The following PBLD variants were observed in gnomAD, a reference collection of about 807,000 sequenced individuals.
The protein encoded by PBLD is phenazine biosynthesis-like domain-containing protein.
A neutral mutation model predicts 31.3 loss-of-function variants in PBLD; 26 were observed. The ratio of observed to expected loss-of-function variants is 0.83; its 90% CI spans 0.61 to 1.15. The LOEUF (loss-of-function observed/expected upper bound fraction) is 1.15. Ranked by LOEUF, PBLD falls within the 50% of genes most tolerant of loss-of-function variation. The probability of loss-of-function intolerance (pLI) is 0.00; values close to 1 mark genes in which losing one functional copy is unlikely to be tolerated. For missense variants in PBLD, 307 were observed against 351.7 expected (o/e 0.87, Z 1.02); for synonymous variants, 114 against 129.0 (o/e 0.88, Z 0.79).
At chr10:68,284,342 CA>C in intron 9 of PBLD, 53 bp from the exon 10 acceptor site, 1 of 1,439,972 alleles carries the variant, frequency 6.9e-7, no homozygotes, top group Non-Finnish European at 9.7e-7. Context: ...TTTAAATTAA[CA>C]AAGCATAGTG....
intron 4 of PBLD, among the ~76,000 whole-genome samples, chr10:68,293,044 A>G (rs552616296): frequency 1.3e-5 from 2 of 152,100 alleles, no homozygotes; most frequent in Non-Finnish European, 2.9e-5. Context: ...AATATTTTGT[A>G]AAGACAGGGT....
chr10:68,317,615 GT>G (rs2044752492), intron 1 of PBLD, among the ~76,000 whole-genome samples: 1 of 151,904 alleles, frequency 6.6e-6, no homozygotes, highest in Non-Finnish European at 1.5e-5. Context: ...GGGCAACATG[GT>G]GAAACCCTGT....
At chr10:68,318,409 T>C (rs1395977282) in intron 1 of PBLD, among the ~76,000 whole-genome samples, 1 of 118,464 alleles carries the variant, frequency 8.4e-6, no homozygotes, top group Non-Finnish European at 1.7e-5. Flanking sequence ...AAGCCAGGGA[T>C]GGTGGCATGA....
intron 1 of PBLD, among the ~76,000 whole-genome samples, chr10:68,321,343 C>T (rs1465382933): frequency 6.6e-6 from 1 of 152,094 alleles, no homozygotes. Context: ...ACTTGAGTAA[C>T]ACTATAAACC....
intron 2 of PBLD, among the ~76,000 whole-genome samples, chr10:68,301,430 A>G (rs1303073537): frequency 6.6e-6 from 1 of 152,186 alleles, no homozygotes; most frequent in Non-Finnish European, 1.5e-5. Context: ...GGCCTGTTGA[A>G]TGTTTTCTGT....
At position 68,292,051 on chromosome 10, in the gene PBLD, G is replaced by GC. The variant is rs1554857189; in HGVS notation, c.394-13_394-12insG. 1.9e-6 allele frequency: 3 copies of GC among 1,591,482 alleles called. No individual in the cohort carries two copies. Among genetic ancestry groups the GC allele is most frequent in the Non-Finnish European group, 2.6e-6 (3 of 1,161,924 alleles). On this transcript the variant is annotated splice_polypyrimidine_tract_variant and intron_variant, in intron 5 of 9. Transcript: ENST00000358769. ...ACTTCATGGAAGTCCTAGATGGGGG[G>GC]AAAAAAAACAAAATTATTATAAAAC...
chr10:68,297,142 G>T, intron 2 of PBLD, 157 bp from the exon 3 acceptor site: 1 of 640,564 alleles, frequency 1.6e-6, no homozygotes, highest in Non-Finnish European at 2.7e-6. Context: ...CTTTTATAAA[G>T]ATTGGTTCTC....
Position 68,292,163 on chromosome 10 carries a change from A to T in PBLD, c.359T>A (p.Val120Asp). 1 of 1,614,044 alleles carries T rather than the reference A, an allele frequency of 6.2e-7. No homozygotes were observed. Among genetic ancestry groups the T allele is most frequent in the Non-Finnish European group, 8.5e-7 (1 of 1,180,030 alleles). ...GGCTGGATAAAGAGGCAAGTCCAGG[A>T]CGATGCCATCCTCTGCTCGTCTGGC... ...LRARRAEDGIVLDLPLYPAHP... is the reference protein window; with the variant it reads ...LRARRAEDGIDLDLPLYPAHP... The change falls in exon 5 of 10, where the codon GTC becomes GAC. Residue 120 changes from valine (V) to aspartate (D), a missense_variant. Val to Asp is a radical substitution (Grantham distance 152, BLOSUM62 -3). Transcript: ENST00000358769.
chr10:68,316,936 C>T (rs544069096), intron 1 of PBLD, among the ~76,000 whole-genome samples: 2 of 152,264 alleles, frequency 1.3e-5, no homozygotes, highest in East Asian at 3.9e-4. Context: ...TCGCTTGAGA[C>T]CCGGAGATGG....
intron 2 of PBLD, among the ~76,000 whole-genome samples, chr10:68,300,822 C>A (rs1005728254): frequency 1.3e-5 from 2 of 152,030 alleles, no homozygotes; most frequent in African/African-American, 4.8e-5. Context: ...GTGATTTGGA[C>A]AGAAAAGTGT....
At chr10:68,304,501 T>G (rs1417369557) in intron 2 of PBLD, among the ~76,000 whole-genome samples, 1 of 152,218 alleles carries the variant, frequency 6.6e-6, no homozygotes, top group African/African-American at 2.4e-5. Flanking sequence ...GCTTAAATTT[T>G]TATTTCCTAG....
chr10:68,285,610 G>A (rs1399294002), intron 8 of PBLD, among the ~76,000 whole-genome samples, 200 bp from the exon 9 acceptor site: 2 of 151,950 alleles, frequency 1.3e-5, no homozygotes, highest in Non-Finnish European at 2.9e-5. Context: ...GGATAAACTC[G>A]GCCAAATTAT....
At chr10:68,289,857 G>T (rs1475458125) in intron 6 of PBLD, among the ~76,000 whole-genome samples, 2 of 152,106 alleles carry the variant, frequency 1.3e-5, no homozygotes, top group Admixed American at 1.3e-4. Flanking sequence ...GTTCCACACG[G>T]CAAGCACTCA....
intron 1 of PBLD, among the ~76,000 whole-genome samples, chr10:68,307,780 T>A (rs1240013220): frequency 1.3e-5 from 2 of 152,176 alleles, no homozygotes; most frequent in Admixed American, 1.3e-4. Flanking sequence ...ATTACAGGCA[T>A]GAGCCACCGC....
intron 1 of PBLD, among the ~76,000 whole-genome samples, chr10:68,312,605 C>CTT (rs71009043): frequency 1.9e-4 from 12 of 63,354 alleles, no homozygotes; most frequent in African/African-American, 6.6e-4. Flanking sequence ...AGTTTCTTTC[C>CTT]TTTTTTTTTT....
chr10:68,332,084 C>T (rs1053281673), intron 1 of PBLD: 1 of 152,378 alleles, frequency 6.6e-6, no homozygotes, highest in African/African-American at 2.4e-5. Context: ...CTGCGCAGCT[C>T]CCTAAGCGGT....
intron 1 of PBLD, among the ~76,000 whole-genome samples, chr10:68,324,987 T>TGTAATCCCAGAACTTTGGA (rs2044894315): frequency 6.6e-6 from 1 of 150,938 alleles, no homozygotes; most frequent in Admixed American, 6.6e-5. Flanking sequence ...TGCTCACACC[T>TGTAATCCCAGAACTTTGGA]GTAATCCCAG....
At chr10:68,297,603 C>T (rs571793879) in intron 2 of PBLD, among the ~76,000 whole-genome samples, 6 of 152,096 alleles carry the variant, frequency 3.9e-5, no homozygotes, top group African/African-American at 9.7e-5. Context: ...CTTGCTTTGC[C>T]GGGACCTGGA....
At chr10:68,331,203 C>A (rs977479099) in intron 1 of PBLD, 1 of 152,178 alleles carries the variant, frequency 6.6e-6, no homozygotes, top group Non-Finnish European at 1.5e-5. Context: ...CATTAGGAAC[C>A]TTGGTGACAT....
Sources: allele counts gnomAD v4.1 joint callset (sites outside exome capture counted in the v4.1 genomes callset), GRCh38; gene constraint gnomAD v4.1.1; transcripts MANE v1.5; gene names NCBI Gene and HGNC (gene_info 2026-07-23, HGNC 2026-07-21).